NIBAN1: variants seen among roughly 807,000 people sequenced by gnomAD.
NIBAN1 encodes the protein niban apoptosis regulator 1, also known as protein Niban 1.
Under a neutral mutation model 75.1 loss-of-function variants are expected in NIBAN1, and 81 were observed. The ratio of observed to expected loss-of-function variants is 1.08; its 90% CI spans 0.90 to 1.30. The LOEUF (loss-of-function observed/expected upper bound fraction) is 1.30. Ranked by LOEUF, NIBAN1 falls within the 50% of genes most tolerant of loss-of-function variation. The probability of loss-of-function intolerance (pLI) is 0.00; values close to 1 mark genes in which losing one functional copy is unlikely to be tolerated. For synonymous variants in NIBAN1, 436 were observed against 424.8 expected (o/e 1.03, Z -0.32); for missense variants, 1,133 against 1,128.1 (o/e 1.00, Z -0.06).
chr1:184,794,920 G>A lies in NIBAN1; in HGVS notation c.*57C>T, dbSNP rs1653795143. 1.9e-6 allele frequency: 3 copies of A among 1,599,118 alleles called. No homozygotes were observed. Among genetic ancestry groups the A allele is most frequent in the Admixed American group, 1.7e-5 (1 of 60,006 alleles). ...AACAGCTTGCATGCAACCCCTAAGT[G>A]TACCCCTATAACCCTTTGGCTTTTT... On this transcript the variant is annotated 3_prime_UTR_variant, in exon 14 of 14. Transcript: ENST00000367511.
chr1:184,937,932 G>A (rs1042351560), intron 1 of NIBAN1, among the ~76,000 whole-genome samples: 2 of 152,212 alleles, frequency 1.3e-5, no homozygotes, highest in African/African-American at 4.8e-5. Flanking sequence ...GGGACTGCGG[G>A]AGCTTGACAG....
At chr1:184,930,947 C>T (rs114567811) in intron 1 of NIBAN1, among the ~76,000 whole-genome samples, 391 of 150,406 alleles carry the variant, frequency 2.6e-3, no homozygotes, top group African/African-American at 9.2e-3. Flanking sequence ...TCTGCAGGCA[C>T]ATTTTAAAAA....
intron 5 of NIBAN1, among the ~76,000 whole-genome samples, chr1:184,835,809 T>G (rs1655126702): frequency 6.6e-6 from 1 of 152,250 alleles, no homozygotes; most frequent in Non-Finnish European, 1.5e-5. Flanking sequence ...TTTGACTTCC[T>G]CTTTTCCTAA....
chr1:184,826,863 G>C (rs188998777), intron 6 of NIBAN1, among the ~76,000 whole-genome samples: 2 of 152,110 alleles, frequency 1.3e-5, no homozygotes, highest in Non-Finnish European at 2.9e-5. Flanking sequence ...CGAGTGGCGG[G>C]GGGGTGATAT....
chr1:184,841,466 C>A (rs1162024090), intron 5 of NIBAN1, among the ~76,000 whole-genome samples: 1 of 152,160 alleles, frequency 6.6e-6, no homozygotes, highest in African/African-American at 2.4e-5. Flanking sequence ...TGCTGGATAC[C>A]AGAATATTTT....
At chr1:184,920,277 G>T (rs1657495962) in intron 1 of NIBAN1, among the ~76,000 whole-genome samples, 1 of 152,152 alleles carries the variant, frequency 6.6e-6, no homozygotes, top group Non-Finnish European at 1.5e-5. Context: ...CACAATGGTT[G>T]TACAGATTTA....
At chr1:184,898,031 C>G (rs548299144) in intron 2 of NIBAN1, among the ~76,000 whole-genome samples, 5 of 152,294 alleles carry the variant, frequency 3.3e-5, no homozygotes, top group African/African-American at 1.2e-4. Flanking sequence ...TCAATACCCT[C>G]CAGTGGGAGA....
intron 6 of NIBAN1, among the ~76,000 whole-genome samples, chr1:184,830,296 C>T (rs1191458421): frequency 6.6e-6 from 1 of 152,212 alleles, no homozygotes; most frequent in Non-Finnish European, 1.5e-5. Flanking sequence ...CATGGCAGGC[C>T]AGCCAGTGTC....
intron 5 of NIBAN1, among the ~76,000 whole-genome samples, chr1:184,848,394 T>A (rs1409084592): frequency 3.4e-5 from 1 of 29,346 alleles, no homozygotes; most frequent in Non-Finnish European, 6.0e-5. Context: ...CATAACGAAA[T>A]GAAGGCAAAA....
chr1:184,801,545 T>C (rs1654042272), intron 12 of NIBAN1, among the ~76,000 whole-genome samples: 1 of 152,190 alleles, frequency 6.6e-6, no homozygotes, highest in South Asian at 2.1e-4. Flanking sequence ...ATTCCCCTGA[T>C]TGGCATTCAT....
At chr1:184,805,565 T>C (rs1557870732) in intron 11 of NIBAN1, among the ~76,000 whole-genome samples, 1 of 152,216 alleles carries the variant, frequency 6.6e-6, no homozygotes, top group Non-Finnish European at 1.5e-5. Context: ...ATCAATAAAT[T>C]ATTCGCCAGT....
At position 184,808,251 on chromosome 1, in the gene NIBAN1, G is replaced by A; in HGVS notation, c.1174-16C>T. 6.2e-7 allele frequency: 1 copy of A among 1,612,262 alleles called. No individual in the cohort carries two copies. Among genetic ancestry groups the A allele is most frequent in the Non-Finnish European group, 8.5e-7 (1 of 1,178,728 alleles). Reference sequence around the variant, plus strand: ...GGTCTAGATGCTGCATTTTGGTGAAGGGAAACATTAAACACCCTCAGAATG... The same window carrying A: ...GGTCTAGATGCTGCATTTTGGTGAAAGGAAACATTAAACACCCTCAGAATG... On this transcript the variant is annotated splice_polypyrimidine_tract_variant and intron_variant, in intron 9 of 13. Transcript: ENST00000367511.
intron 9 of NIBAN1, among the ~76,000 whole-genome samples, chr1:184,810,397 G>A (rs1654340537): frequency 6.6e-6 from 1 of 152,186 alleles, no homozygotes; most frequent in Admixed American, 6.5e-5. Context: ...TAACAACCAG[G>A]TGATGATGAC....
At chr1:184,903,883 C>T (rs942864837) in intron 1 of NIBAN1, among the ~76,000 whole-genome samples, 4 of 150,908 alleles carry the variant, frequency 2.7e-5, no homozygotes, top group East Asian at 1.9e-4. Context: ...ACCACAGGAG[C>T]GTGCCACCAC....
intron 1 of NIBAN1, among the ~76,000 whole-genome samples, chr1:184,940,360 T>A (rs115380595): frequency 1.3e-5 from 2 of 152,178 alleles, no homozygotes; most frequent in Non-Finnish European, 2.9e-5. Context: ...CAAGGAAGCA[T>A]GATAGTAAAT....
intron 9 of NIBAN1, among the ~76,000 whole-genome samples, chr1:184,817,693 A>C (rs535272457): frequency 6.6e-6 from 1 of 152,322 alleles, no homozygotes; most frequent in East Asian, 1.9e-4. Context: ...GGCTGTTCAT[A>C]TCCTTTGCAA....
intron 1 of NIBAN1, among the ~76,000 whole-genome samples, chr1:184,918,998 T>TAA (rs201928415): frequency 2.6e-5 from 4 of 151,570 alleles, no homozygotes; most frequent in African/African-American, 9.7e-5. Flanking sequence ...TTTAAACTTG[T>TAA]AAAAAAAAAC....
At chr1:184,835,274 C>T (rs1000642503) in intron 5 of NIBAN1, among the ~76,000 whole-genome samples, 2 of 152,124 alleles carry the variant, frequency 1.3e-5, no homozygotes, top group African/African-American at 2.4e-5. Flanking sequence ...AGTCAGGTAG[C>T]GTGACGCCTC....
intron 1 of NIBAN1, among the ~76,000 whole-genome samples, chr1:184,951,651 G>A (rs4651241): frequency 0.49 from 73,672 of 151,814 alleles, 19,278 homozygotes; most frequent in Non-Finnish European, 0.59. Flanking sequence ...TCCCTGGCCC[G>A]GATCACAGCT....
Sources: gnomAD v4.1 joint callset for allele counts (sites outside exome capture counted in the v4.1 genomes callset) on GRCh38, gnomAD v4.1.1 for gene constraint, MANE v1.5 for transcripts, NCBI Gene and HGNC (gene_info 2026-07-23, HGNC 2026-07-21) for gene names.